The following RASEF variants were observed in gnomAD, a reference collection of about 807,000 sequenced individuals.
RASEF encodes RAS and EF-hand domain containing, also known as ras and EF-hand domain-containing protein.
RASEF carries 68 observed loss-of-function variants against 90.1 expected under a neutral mutation model. The observed-to-expected ratio is 0.75, with a 90% CI of 0.62 to 0.92. The LOEUF is 0.92. Among genes scored for constraint, RASEF ranks in the 40% least tolerant of loss-of-function variants. The pLI is 0.00. For synonymous variants in RASEF, 331 were observed against 345.2 expected (o/e 0.96, Z 0.46); for missense variants, 949 against 937.2 (o/e 1.01, Z -0.16).
At chr9:83,173,665 C>T in the RASEF span, among the ~76,000 whole-genome samples, 1 of 151,770 alleles carries the variant, frequency 6.6e-6, no homozygotes, top group Non-Finnish European at 1.5e-5. Flanking sequence ...TTGAAGTTCA[C>T]TGAGCTTCCT....
the RASEF span, among the ~76,000 whole-genome samples, chr9:83,213,861 T>G: frequency 1.1e-4 from 16 of 152,240 alleles, no homozygotes; most frequent in Non-Finnish European, 1.9e-4. Context: ...AAAAATATTC[T>G]ACTTTCCCCT....
the RASEF span, among the ~76,000 whole-genome samples, chr9:83,142,399 T>G: frequency 6.6e-6 from 1 of 152,264 alleles, no homozygotes; most frequent in Non-Finnish European, 1.5e-5. Context: ...AGTTTACAGT[T>G]GATTCCTCTG....
the RASEF span, among the ~76,000 whole-genome samples, chr9:83,200,555 G>C: frequency 6.6e-6 from 1 of 152,016 alleles, no homozygotes; most frequent in Non-Finnish European, 1.5e-5. Flanking sequence ...AGACACTCCG[G>C]CCACTGTATT....
chr9:83,001,317 C>T (rs560840405), intron 9 of RASEF, among the ~76,000 whole-genome samples, 187 bp from the exon 10 acceptor site: 1 of 152,134 alleles, frequency 6.6e-6, no homozygotes, highest in Non-Finnish European at 1.5e-5. Flanking sequence ...TTCTATGCAG[C>T]AATCAGTTAA....
At chr9:83,153,798 G>C in the RASEF span, among the ~76,000 whole-genome samples, 1 of 152,328 alleles carries the variant, frequency 6.6e-6, no homozygotes, top group East Asian at 1.9e-4. Flanking sequence ...GCCATATAGT[G>C]AGGACTGTGT....
chr9:83,049,528 CCTTTTT>C (rs1026255805), intron 1 of RASEF, among the ~76,000 whole-genome samples: 6 of 73,520 alleles, frequency 8.2e-5, no homozygotes, highest in Non-Finnish European at 1.3e-4. Flanking sequence ...TTTCTGCCTT[CCTTTTT>C]TTTTTTTTTT....
the RASEF span, among the ~76,000 whole-genome samples, chr9:83,100,093 A>T: frequency 6.6e-6 from 1 of 152,214 alleles, no homozygotes; most frequent in Non-Finnish European, 1.5e-5. Context: ...GTGTGTTTGC[A>T]GTTTTGAGTG....
chr9:83,190,293 A>G, the RASEF span, among the ~76,000 whole-genome samples: 1 of 152,198 alleles, frequency 6.6e-6, no homozygotes, highest in African/African-American at 2.4e-5. Context: ...TGCTCTTTAA[A>G]ATAGCAGGGA....
At chr9:83,080,184 G>C in the RASEF span, among the ~76,000 whole-genome samples, 1 of 152,204 alleles carries the variant, frequency 6.6e-6, no homozygotes, top group African/African-American at 2.4e-5. Context: ...CAAAAATTAT[G>C]GAACTGTAGG....
At chr9:83,139,419 C>T in the RASEF span, among the ~76,000 whole-genome samples, 5 of 152,124 alleles carry the variant, frequency 3.3e-5, no homozygotes, top group African/African-American at 1.2e-4. Flanking sequence ...AGAAGCCTTA[C>T]TGATAACATA....
At chr9:83,008,915 T>TATATATAC (rs1554706836) in intron 6 of RASEF, among the ~76,000 whole-genome samples, 1 of 126,550 alleles carries the variant, frequency 7.9e-6, no homozygotes, top group Admixed American at 7.8e-5. Context: ...TATATATATA[T>TATATATAC]ATATATATAT....
rs907417004 is a variant in RASEF at position 83,001,024 on chromosome 9, C to T, written c.1309G>A (p.Asp437Asn). 2.5e-6 allele frequency: 4 copies of T among 1,614,112 alleles called. No individual in the cohort carries two copies. Among genetic ancestry groups the T allele is most frequent in the Non-Finnish European group, 2.5e-6 (3 of 1,180,008 alleles). ...EVDSLPESCF[D>N]SGLSTLRDPN... ...TCTCTCAAGGTAGACAAGCCGCTGT[C>T]GAAGCAGCTTTCAGGCAGGCTGTCA... The change falls in exon 10 of 17, where the codon GAC (aspartate) becomes AAC (asparagine). Residue 437 changes from aspartate (D) to asparagine (N), a missense_variant. By Grantham distance (23) the Asp-to-Asn change is conservative (BLOSUM62 1). Coordinates refer to ENST00000376447, the MANE Select transcript of RASEF (RefSeq NM_152573.4).
the RASEF span, among the ~76,000 whole-genome samples, chr9:83,163,844 T>C: frequency 6.6e-6 from 1 of 151,826 alleles, no homozygotes; most frequent in Admixed American, 6.6e-5. Flanking sequence ...AGTAATGTCA[T>C]AACAAATTAC....
At chr9:83,068,115 G>T (rs965879087), upstream of RASEF, among the ~76,000 whole-genome samples, 2 of 152,134 alleles carry the variant, frequency 1.3e-5, no homozygotes, top group African/African-American at 4.8e-5. Context: ...CTGGAGATCC[G>T]CCTGACTCGG....
chr9:83,047,331 C>T (rs1011083787), intron 1 of RASEF, among the ~76,000 whole-genome samples: 18 of 152,194 alleles, frequency 1.2e-4, no homozygotes, highest in Non-Finnish European at 2.6e-4. Context: ...ACACAGCTTT[C>T]GTGGCTGTTC....
At position 82,988,137 on chromosome 9, in the gene RASEF, T is replaced by C. The variant is rs139673835; in HGVS notation, c.2117+2254A>G. On this transcript the variant is annotated intron_variant, in intron 16 of 16. Transcript: ENST00000376447. Reference sequence around the variant, plus strand: ...ATGAATGAAACACCAACACAACCATTTGAAAAGTAAAAACCTGACAATCCA... The same window carrying C: ...ATGAATGAAACACCAACACAACCATCTGAAAAGTAAAAACCTGACAATCCA... 2.1e-4 allele frequency among the ~76,000 whole-genome samples: 32 copies of C among 152,294 alleles called. No individual in the cohort carries two copies. The East Asian group carries it at 5.8e-3, about 28-fold the overall frequency.
upstream of RASEF, among the ~76,000 whole-genome samples, chr9:83,067,789 T>G (rs1034832004): frequency 2.0e-5 from 3 of 152,234 alleles, no homozygotes; most frequent in African/African-American, 7.2e-5. Context: ...TAAGCAAAAC[T>G]CATGTCATTT....
chr9:83,156,874 T>C, the RASEF span, among the ~76,000 whole-genome samples: 1 of 152,242 alleles, frequency 6.6e-6, no homozygotes, highest in African/African-American at 2.4e-5. Context: ...TGTCTAGTAA[T>C]GTGTAAGATG....
chr9:82,984,890 C>T (rs1166989308), intron 16 of RASEF, among the ~76,000 whole-genome samples: 1 of 152,150 alleles, frequency 6.6e-6, no homozygotes, highest in Non-Finnish European at 1.5e-5. Context: ...TTTCATGGTC[C>T]TGAGACAGCA....
Sources: allele counts gnomAD v4.1 joint callset (sites outside exome capture counted in the v4.1 genomes callset), GRCh38; gene constraint gnomAD v4.1.1; transcripts MANE v1.5; gene names NCBI Gene and HGNC (gene_info 2026-07-23, HGNC 2026-07-21).